SCUBE2: variants seen among roughly 807,000 people sequenced by gnomAD.
The protein encoded by SCUBE2 is signal peptide, CUB and EGF-like domain-containing protein 2.
In SCUBE2, 114 loss-of-function variants were observed where a neutral mutation model predicts 125.9. The ratio of observed to expected loss-of-function variants is 0.91; its 90% CI spans 0.78 to 1.06. The LOEUF is 1.06. Among genes scored for constraint, SCUBE2 ranks in the 50% least tolerant of loss-of-function variants. SCUBE2 has a pLI of 0.00. For synonymous variants in SCUBE2, 459 were observed against 492.9 expected (o/e 0.93, Z 0.91); for missense variants, 1,255 against 1,301.8 (o/e 0.96, Z 0.55).
chr11:9,071,973 AAC>A (rs776032157), intron 4 of SCUBE2, among the ~76,000 whole-genome samples: 4 of 152,190 alleles, frequency 2.6e-5, no homozygotes, highest in African/African-American at 7.2e-5. Flanking sequence ...TATGGGTGAA[AAC>A]ACACAGTCTC....
intron 2 of SCUBE2, among the ~76,000 whole-genome samples, chr11:9,084,027 A>G (rs1400122251): frequency 6.6e-6 from 1 of 152,226 alleles, no homozygotes; most frequent in African/African-American, 2.4e-5. Flanking sequence ...AACACCAAAC[A>G]TCCAGATCTT....
At chr11:9,078,667 G>A (rs1453613835) in intron 3 of SCUBE2, among the ~76,000 whole-genome samples, 3 of 152,186 alleles carry the variant, frequency 2.0e-5, no homozygotes, top group Non-Finnish European at 2.9e-5. Flanking sequence ...GTCAAAGGAC[G>A]CTGATGCCAT....
rs766667637 is a variant in SCUBE2, at chr11:9,053,118, A to G, written c.1428T>C (p.Ser476=). Residue 476 remains serine, a synonymous_variant, in exon 12 of 23, where the codon TCT becomes TCC. Coordinates refer to ENST00000649792, the MANE Select transcript of SCUBE2 (RefSeq NM_001367977.2). ...GGDGCFLRCH[S]GIHLSSGLQG... is the part of the protein sequence containing the mutation. ...ACTCACCTGAAGAGAGGTGAATGCCAGAGTGACATCTGAGGAAGCACCCGT... is the reference window on the plus strand; with the variant it reads ...ACTCACCTGAAGAGAGGTGAATGCCGGAGTGACATCTGAGGAAGCACCCGT... The G allele has an allele frequency of 1.9e-6, 3 of 1,614,156 alleles. No homozygotes were observed. The highest frequency in any genetic ancestry group is 2.5e-6 in the Non-Finnish European group (3 of 1,180,000).
chr11:9,033,556 T>G, intron 17 of SCUBE2, 70 bp downstream of exon 17: 1,347 of 1,517,554 alleles, frequency 8.9e-4, no homozygotes, highest in Non-Finnish European at 1.1e-3. Context: ...CTGGAGTCCT[T>G]GAGATGCCTT....
At chr11:9,050,928 T>C (rs1171310584) in intron 13 of SCUBE2, among the ~76,000 whole-genome samples, 1 of 152,110 alleles carries the variant, frequency 6.6e-6, no homozygotes, top group Non-Finnish European at 1.5e-5. Flanking sequence ...TACCCCCTCA[T>C]GTGAGAGGCA....
rs577246397 is a variant in SCUBE2 at position 9,030,906 on chromosome 11, T to C, written c.2193A>G (p.Glu731=). ...SECGGLCQPG[E]YSADGFAPCQ... ...AAGGTGCAAAGCCATCTGCAGAATATTCACCAGGTTGACACAGACCTGGAA... is the reference window on the plus strand; with the variant it reads ...AAGGTGCAAAGCCATCTGCAGAATACTCACCAGGTTGACACAGACCTGGAA... The change falls in exon 18 of 23, where the codon GAA becomes GAG. Residue 731 remains glutamate, a synonymous_variant. Transcript: ENST00000649792. The C allele has an allele frequency of 6.2e-7, 1 of 1,613,942 alleles. No individual in the cohort carries two copies. Among genetic ancestry groups the C allele is most frequent in the African/African-American group, 1.3e-5 (1 of 75,050 alleles).
intron 3 of SCUBE2, among the ~76,000 whole-genome samples, chr11:9,074,826 C>A (rs922216454): frequency 7.2e-5 from 11 of 152,216 alleles, no homozygotes; most frequent in African/African-American, 2.2e-4. Flanking sequence ...GCCACATGGA[C>A]ACAAGGTCAT....
Position 9,033,676 on chromosome 11 carries a change from T to A in SCUBE2, c.2123A>T (p.Asn708Ile), listed in dbSNP as rs546864066. 23 of 1,614,156 alleles carry A rather than the reference T, an allele frequency of 1.4e-5. No individual in the cohort carries two copies. In the Admixed American group the frequency reaches 3.7e-4, roughly 26 times the overall value. Residue 708 changes from asparagine (N) to isoleucine (I), a missense_variant, in exon 17 of 23, where the codon AAT becomes ATT. Asn to Ile is a moderately radical substitution (Grantham distance 149, BLOSUM62 -3). This residue lies in a region of SCUBE2 where 515 missense variants were observed against 515.7 expected (regional missense o/e 1.00). Coordinates refer to ENST00000649792, the MANE Select transcript of SCUBE2 (RefSeq NM_001367977.2). The part of the protein sequence containing the change: ...MTCEPCPRPG[N>I]SGALKTPEAW... ...TTCTGGGGTCTTCAGGGCCCCAGAA[T>A]TTCCTGGTCTTGGGCATGGTTCACA...
chr11:9,047,297 C>A, intron 16 of SCUBE2, 59 bp downstream of exon 16: 1 of 1,576,736 alleles, frequency 6.3e-7, no homozygotes. Flanking sequence ...CTTCGGTTAC[C>A]CTGAGTGTTT....
chr11:9,054,549 G>T (rs1055305579), intron 10 of SCUBE2, among the ~76,000 whole-genome samples: 1 of 151,444 alleles, frequency 6.6e-6, no homozygotes, highest in African/African-American at 2.4e-5. Context: ...CAGATCAAAA[G>T]GTAGCTCCAC....
At chr11:9,090,958 A>T (rs1590179827) in intron 1 of SCUBE2, among the ~76,000 whole-genome samples, 1 of 152,058 alleles carries the variant, frequency 6.6e-6, no homozygotes, top group Admixed American at 6.5e-5. Flanking sequence ...TCTGGAGCCC[A>T]CCCCGAAGCC....
chr11:9,090,165 T>C (rs1005790293), intron 1 of SCUBE2: 2 of 187,390 alleles, frequency 1.1e-5, no homozygotes, highest in South Asian at 3.0e-4. Flanking sequence ...TCAGGCAGGG[T>C]TGTCACTGTT....
intron 8 of SCUBE2, 151 bp from the exon 9 acceptor site, chr11:9,059,576 C>T (rs1442215165): frequency 1.1e-5 from 11 of 1,021,516 alleles, no homozygotes; most frequent in South Asian, 2.2e-5. Flanking sequence ...TGTTTTTAAC[C>T]TTATACATGT....
At chr11:9,030,627 G>A in intron 18 of SCUBE2, 131 bp downstream of exon 18, 1 of 900,948 alleles carries the variant, frequency 1.1e-6, no homozygotes, top group Non-Finnish European at 1.7e-6. Flanking sequence ...TGGGGCGAGT[G>A]GAGCTGGGAC....
At chr11:9,050,506 G>A in intron 14 of SCUBE2, 100 bp downstream of exon 14, 2 of 862,444 alleles carry the variant, frequency 2.3e-6, no homozygotes, top group Middle Eastern at 2.5e-4. Context: ...GCTTGGATCG[G>A]CTGGACAGCC....
intron 22 of SCUBE2, 118 bp downstream of exon 22, chr11:9,021,758 C>T (rs1855311258): frequency 2.7e-6 from 2 of 743,202 alleles, no homozygotes; most frequent in Admixed American, 2.1e-5. Flanking sequence ...CTGACCTTGG[C>T]CCAGGACAGG....
chr11:9,077,262 G>A (rs1861279867), intron 3 of SCUBE2, among the ~76,000 whole-genome samples: 1 of 152,206 alleles, frequency 6.6e-6, no homozygotes, highest in Non-Finnish European at 1.5e-5. Flanking sequence ...TGAAGTCTAG[G>A]TGATGGTTTT....
Position 9,074,468 on chromosome 11 carries a change from TG to T in SCUBE2, c.517+12del. ...ATGTGGCTCTGCCCCCATCCACAGC[TG>T]GGCAGAGGTACCTTCCGAGCGGTGA... is the stretch of plus-strand genomic sequence containing the variant. On this transcript the variant is annotated intron_variant, in intron 4 of 22. Transcript: ENST00000649792. 1 of 1,614,012 alleles carries T rather than the reference TG, an allele frequency of 6.2e-7. No individual in the cohort carries two copies. Among genetic ancestry groups the T allele is most frequent in the Non-Finnish European group, 8.5e-7 (1 of 1,179,924 alleles).
At chr11:9,079,778 A>G (rs947489736) in intron 2 of SCUBE2, among the ~76,000 whole-genome samples, 5 of 152,212 alleles carry the variant, frequency 3.3e-5, no homozygotes, top group Admixed American at 1.3e-4. Context: ...TTTTAAAAAA[A>G]AGAGAGAATG....
Sources: allele counts gnomAD v4.1 joint callset (sites outside exome capture counted in the v4.1 genomes callset), GRCh38; gene constraint gnomAD v4.1.1; regional missense constraint gnomAD v4.1.1; transcripts MANE v1.5; gene names NCBI Gene and HGNC (gene_info 2026-07-23, HGNC 2026-07-21).